SOX13: variants seen among roughly 807,000 people sequenced by gnomAD.
The protein encoded by SOX13 is transcription factor SOX-13.
Under a neutral mutation model 71.8 loss-of-function variants are expected in SOX13, and 28 were observed. The observed-to-expected ratio is 0.39, with a 90% CI of 0.29 to 0.53. The LOEUF (loss-of-function observed/expected upper bound fraction) is 0.53, where lower values mean the gene tolerates loss of function less well. Ranked by LOEUF, SOX13 falls within the 20% of genes least tolerant of loss-of-function variation. The pLI is 0.70. For synonymous variants in SOX13, 309 were observed against 317.8 expected, an observed-to-expected ratio of 0.97 and a Z score of 0.29; for missense variants, 627 against 810.3, an observed-to-expected ratio of 0.77 and a Z score of 2.75.
chr1:204,084,385 C>T (rs1394214234), intron 1 of SOX13, among the ~76,000 whole-genome samples: 1 of 152,152 alleles, frequency 6.6e-6, no homozygotes, highest in East Asian at 1.9e-4. Flanking sequence ...GCATTAAATG[C>T]CTTTGCTGCC....
intron 1 of SOX13, among the ~76,000 whole-genome samples, chr1:204,108,853 G>A (rs1191182396): frequency 6.6e-6 from 1 of 152,230 alleles, no homozygotes; most frequent in African/African-American, 2.4e-5. Context: ...AGCCAGCCTG[G>A]TTGTTTTCAT....
rs1655728493 is a variant in SOX13 at position 204,073,992 on chromosome 1, T to TAC, written c.-2+281_-2+282insAC. On this transcript the variant is annotated intron_variant, in intron 1 of 13. Transcript: ENST00000367204. The surrounding 1 kb of genome is among the most constrained non-coding windows in gnomAD (Gnocchi z 6.8). ...GTGTGTGTTTGTGTGTGTGTGTGTG[T>TAC]GTGTGTGTACGCGCGCGCGCGCGCG... The TAC allele has an allele frequency of 6.7e-6, 1 of 150,276 alleles. No individual in the cohort carries two copies. Among genetic ancestry groups the TAC allele is most frequent in the Non-Finnish European group, 1.5e-5 (1 of 67,652 alleles). The allele number at this position is 150,276 out of a possible 1,614,324, so 9.3% of individuals were successfully genotyped here.
rs554963969 is a variant in SOX13, at chr1:204,122,837, T to C, written c.1025-17T>C. 5 of 1,495,712 alleles carry C rather than the reference T, an allele frequency of 3.3e-6. No homozygotes were observed. In the African/African-American group the frequency reaches 5.6e-5, roughly 17 times the overall value. The allele number at this position is 1,495,712 out of a possible 1,614,324, so 92.7% of individuals were successfully genotyped here. ...CTTCTCTCGCTTCTCTTCCCTCTCTTCTGCCCTCTCCCACAGGCTTCCTTG... is the reference window on the plus strand; with the variant it reads ...CTTCTCTCGCTTCTCTTCCCTCTCTCCTGCCCTCTCCCACAGGCTTCCTTG... On this transcript the variant is annotated splice_polypyrimidine_tract_variant and intron_variant, in intron 9 of 13. Coordinates refer to ENST00000367204, the MANE Select transcript of SOX13 (RefSeq NM_005686.3).
intron 1 of SOX13, among the ~76,000 whole-genome samples, chr1:204,092,145 T>A (rs76413856): frequency 2.6e-5 from 4 of 151,924 alleles, no homozygotes; most frequent in African/African-American, 9.7e-5. Context: ...GCTCCTGGGC[T>A]CAAGTGATTC....
intron 1 of SOX13, among the ~76,000 whole-genome samples, chr1:204,105,726 C>G (rs61825744): frequency 2.0e-5 from 3 of 152,078 alleles, no homozygotes; most frequent in Non-Finnish European, 4.4e-5. Context: ...GCAGTGCTGC[C>G]CCAAAAGCTG....
Position 204,123,984 on chromosome 1 carries a change from T to C in SOX13, c.1375+180T>C, listed in dbSNP as rs1656866071. On this transcript the variant is annotated intron_variant, in intron 12 of 13. Transcript: ENST00000367204. This position sits in a 1 kb window ranked among gnomAD's most constrained non-coding sequence, Gnocchi z 5.0. ...GCTGGGTCCTGGGGTCTTATATCAC[T>C]GAAGTGTTCGGTAGCACCTGTCCTC... Among the ~76,000 whole-genome samples the C allele has an allele frequency of 6.6e-6, 1 of 152,182 alleles. No individual in the cohort carries two copies.
Position 204,073,650 on chromosome 1 carries a change from G to C in SOX13, c.-63G>C, listed in dbSNP as rs1655718607. 1.3e-5 allele frequency: 2 copies of C among 152,108 alleles called. No individual in the cohort carries two copies. The highest frequency in any genetic ancestry group is 2.9e-5 in the Non-Finnish European group (2 of 68,106). 9.4% of individuals were successfully genotyped at this position (152,108 alleles called of 1,614,324 possible). On this transcript the variant is annotated 5_prime_UTR_variant, in exon 1 of 14. Transcript: ENST00000367204. This position sits in a 1 kb window ranked among gnomAD's most constrained non-coding sequence, Gnocchi z 6.8. ...GGCTGCCAGCCGCGAGGACCGCACG[G>C]AGGAGGAGCAGGAGCGCGGAGCCGC...
At chr1:204,075,054 G>A (rs1250675550) in intron 1 of SOX13, among the ~76,000 whole-genome samples, 1 of 152,194 alleles carries the variant, frequency 6.6e-6, no homozygotes, top group Non-Finnish European at 1.5e-5. Context: ...AAGTAGGTGG[G>A]TCTCTACCTC....
intron 1 of SOX13, among the ~76,000 whole-genome samples, chr1:204,075,138 C>T (rs1655760431): frequency 6.6e-6 from 1 of 152,224 alleles, no homozygotes; most frequent in Non-Finnish European, 1.5e-5. Flanking sequence ...GGGTGCATAA[C>T]TCTGCTCGTT....
chr1:204,116,022 A>T, intron 4 of SOX13: 1 of 424,262 alleles, frequency 2.4e-6, no homozygotes, highest in Non-Finnish European at 4.0e-6. Flanking sequence ...TATTATGCCC[A>T]CTTACCAAGA....
At chr1:204,101,947 G>T (rs1656368574) in intron 1 of SOX13, among the ~76,000 whole-genome samples, 1 of 152,018 alleles carries the variant, frequency 6.6e-6, no homozygotes, top group South Asian at 2.1e-4. Flanking sequence ...ATTACTATTT[G>T]CCCCAGTTAC....
intron 12 of SOX13, 63 bp from the exon 13 acceptor site, chr1:204,124,578 A>G (rs1193326727): frequency 1.4e-5 from 20 of 1,422,418 alleles, no homozygotes; most frequent in African/African-American, 5.7e-5. Context: ...CAGGTCCTGC[A>G]TGGGGCTGGG....
intron 8 of SOX13, 106 bp from the exon 9 acceptor site, chr1:204,122,131 C>G: frequency 2.6e-6 from 3 of 1,133,756 alleles, no homozygotes; most frequent in Non-Finnish European, 3.8e-6. Flanking sequence ...ACTTTTCTGT[C>G]TGTCTCCTTG....
intron 6 of SOX13, 103 bp from the exon 7 acceptor site, chr1:204,117,490 C>T: frequency 1.3e-6 from 1 of 749,868 alleles, no homozygotes; most frequent in Admixed American, 2.5e-5. Context: ...GCTTTATCCC[C>T]TGTGCCTCTT....
chr1:204,114,496 C>G, intron 3 of SOX13, 23 bp from the exon 4 acceptor site: 8 of 1,610,024 alleles, frequency 5.0e-6, no homozygotes, highest in Non-Finnish European at 6.0e-6. Flanking sequence ...ACGGTTATTC[C>G]TCACCCCTTT....
At chr1:204,074,596 G>T (rs1285152505) in intron 1 of SOX13, among the ~76,000 whole-genome samples, 1 of 152,194 alleles carries the variant, frequency 6.6e-6, no homozygotes, top group African/African-American at 2.4e-5. Flanking sequence ...GGGATCGCCC[G>T]CGGGATTCGC....
intron 4 of SOX13, 191 bp from the exon 5 acceptor site, chr1:204,116,316 T>C: frequency 6.5e-7 from 1 of 1,539,606 alleles, no homozygotes; most frequent in African/African-American, 1.4e-5. Context: ...AGGCTAGTAG[T>C]TGCCAGGTAG....
chr1:204,107,700 C>G (rs982677854), intron 1 of SOX13, among the ~76,000 whole-genome samples: 2 of 152,116 alleles, frequency 1.3e-5, no homozygotes, highest in Non-Finnish European at 2.9e-5. Flanking sequence ...CCCTCTCCCC[C>G]AAAGGTGAGA....
rs544794801 is a variant in SOX13 at position 204,098,174 on chromosome 1, G to A, written c.-1-14741G>A. Among the ~76,000 whole-genome samples, 94 of 152,206 alleles carry A rather than the reference G, an allele frequency of 6.2e-4. 1 individual carries two copies. Among genetic ancestry groups the A allele is most frequent in the African/African-American group, 2.2e-3 (91 of 41,530 alleles). Reference sequence around the variant, plus strand: ...CCATCGCCCAACCTGTTTTCTTTATGTTATTTAAAATTTTGCAGATTGGCT... The same window carrying A: ...CCATCGCCCAACCTGTTTTCTTTATATTATTTAAAATTTTGCAGATTGGCT... On this transcript the variant is annotated intron_variant, in intron 1 of 13. Transcript: ENST00000367204.
Sources: gnomAD v4.1 joint callset for allele counts (sites outside exome capture counted in the v4.1 genomes callset) on GRCh38, gnomAD v4.1.1 for gene constraint, Gnocchi (gnomAD v3.1) non-coding constraint, MANE v1.5 for transcripts, NCBI Gene and HGNC (gene_info 2026-07-23, HGNC 2026-07-21) for gene names.